CSMD2: variants seen among roughly 807,000 people sequenced by gnomAD.
The protein encoded by CSMD2 is CUB and Sushi multiple domains 2, also known as CUB and sushi domain-containing protein 2.
Under a neutral mutation model 398.5 loss-of-function variants are expected in CSMD2, and 130 were observed. That is an observed-to-expected ratio of 0.33 (90% CI 0.28 to 0.38). The LOEUF (loss-of-function observed/expected upper bound fraction) is 0.38, where lower values mean the gene tolerates loss of function less well. Ranked by LOEUF, CSMD2 falls within the 10% of genes least tolerant of loss-of-function variation. The probability of loss-of-function intolerance (pLI) is 1.00; values close to 1 mark genes in which losing one functional copy is unlikely to be tolerated. For missense variants in CSMD2, 3,829 were observed against 4,764.9 expected (o/e 0.80, Z 5.78); for synonymous variants, 1,828 against 1,908.5 (o/e 0.96, Z 1.10).
At chr1:33,521,613 C>G (rs765381300) in intron 67 of CSMD2, 63 bp from the exon 68 acceptor site, 4 of 1,031,856 alleles carry the variant, frequency 3.9e-6, no homozygotes, top group Admixed American at 1.7e-5. Flanking sequence ...GAACTCCTCT[C>G]TCATCATACA....
chr1:33,586,973 C>T (rs1039414741), intron 45 of CSMD2, 115 bp downstream of exon 45: 2 of 746,646 alleles, frequency 2.7e-6, no homozygotes, highest in Non-Finnish European at 4.4e-6. Flanking sequence ...TACTGTTTCT[C>T]TCTCCACAGA....
In CSMD2 at chr1:33,569,526, G is replaced by T. The variant is rs143412596; in HGVS notation, c.7979C>A (p.Pro2660Gln). 3 of 1,613,930 alleles carry T rather than the reference G, an allele frequency of 1.9e-6. No homozygotes were observed. Among genetic ancestry groups the T allele is most frequent in the Admixed American group, 3.3e-5 (2 of 60,002 alleles). The change falls in exon 52 of 71, where the codon CCG becomes CAG. Residue 2660 changes from proline (P) to glutamine (Q), a missense_variant. Transcript: ENST00000373381. ...GATGCGGTGGCCATTGGGGGGAATC[G>T]GGAGCTCTCCACAGGAGATGACTAA... ...TCRIISCGEL[P>Q]IPPNGHRIGT...
intron 44 of CSMD2, among the ~76,000 whole-genome samples, chr1:33,597,098 T>C (rs573416463): frequency 4.9e-4 from 74 of 152,188 alleles, no homozygotes; most frequent in Middle Eastern, 3.2e-3. Flanking sequence ...TCAAACTTCA[T>C]GTTCTAACTT....
chr1:33,811,078 TG>T (rs752419823), intron 9 of CSMD2, among the ~76,000 whole-genome samples: 71 of 152,232 alleles, frequency 4.7e-4, no homozygotes, highest in Non-Finnish European at 8.2e-4. Flanking sequence ...TAGGCAATGA[TG>T]AACTTCTAAG....
At chr1:34,087,198 A>T (rs1186095510) in intron 2 of CSMD2, among the ~76,000 whole-genome samples, 1 of 151,856 alleles carries the variant, frequency 6.6e-6, no homozygotes, top group Non-Finnish European at 1.5e-5. Flanking sequence ...CACACCATAC[A>T]TGATATTCCA....
chr1:33,879,354 T>G (rs1384411710), intron 5 of CSMD2, among the ~76,000 whole-genome samples: 1 of 152,158 alleles, frequency 6.6e-6, no homozygotes, highest in Non-Finnish European at 1.5e-5. Context: ...ATCTGTCTGG[T>G]TGGTCTGCTT....
intron 1 of CSMD2, among the ~76,000 whole-genome samples, chr1:34,115,635 A>G (rs1270210869): frequency 6.6e-6 from 1 of 152,154 alleles, no homozygotes; most frequent in East Asian, 1.9e-4. Flanking sequence ...GCATACAAAA[A>G]TATATAACTC....
intron 64 of CSMD2, among the ~76,000 whole-genome samples, chr1:33,531,064 T>C (rs1655189463): frequency 6.6e-6 from 1 of 152,286 alleles, no homozygotes; most frequent in South Asian, 2.1e-4. Flanking sequence ...TTAATAACAA[T>C]GCACTGTGTA....
intron 25 of CSMD2, among the ~76,000 whole-genome samples, chr1:33,681,836 G>A (rs1289585328): frequency 6.6e-6 from 1 of 152,068 alleles, no homozygotes; most frequent in Non-Finnish European, 1.5e-5. Context: ...TGTGGTGGCA[G>A]GTGCCTTTAA....
At chr1:33,755,854 A>C (rs1348173) in intron 13 of CSMD2, among the ~76,000 whole-genome samples, 3 of 149,352 alleles carry the variant, frequency 2.0e-5, no homozygotes, top group African/African-American at 7.5e-5. Context: ...GTGCGGGGGG[A>C]GGGGGGTCTC....
Position 33,962,556 on chromosome 1 carries a change from C to T in CSMD2, c.518-26602G>A, listed in dbSNP as rs545123602. ...ATTACTGCTTCTCTACTCCAATGCCCCAACAGCTTCCCCTCTTACTCAGAG... is the reference window on the plus strand; with the variant it reads ...ATTACTGCTTCTCTACTCCAATGCCTCAACAGCTTCCCCTCTTACTCAGAG... On this transcript the variant is annotated intron_variant, in intron 3 of 70. Coordinates refer to ENST00000373381, the MANE Select transcript of CSMD2 (RefSeq NM_001281956.2). 4.6e-5 allele frequency among the ~76,000 whole-genome samples: 7 copies of T among 152,314 alleles called. No individual in the cohort carries two copies. The East Asian group carries it at 5.8e-4, about 13-fold the overall frequency.
At chr1:34,127,799 G>A (rs544451468) in intron 1 of CSMD2, among the ~76,000 whole-genome samples, 2 of 152,122 alleles carry the variant, frequency 1.3e-5, no homozygotes, top group African/African-American at 4.8e-5. Context: ...CCCAGGGCTG[G>A]AGCGTGTAGA....
Position 33,935,930 on chromosome 1 carries a change from T to C in CSMD2, c.542A>G (p.Asn181Ser). 1 of 1,612,280 alleles carries C rather than the reference T, an allele frequency of 6.2e-7. No homozygotes were observed. The highest frequency in any genetic ancestry group is 8.5e-7 in the Non-Finnish European group (1 of 1,179,034). ...YEVLPSHTCG[N>S]PGRLPNGIQQ... ...GATGCCATTGGGCAGCCTCCCTGGGTTCCCACATGTGTGGCTGGGGAGAAC... is the reference window on the plus strand; with the variant it reads ...GATGCCATTGGGCAGCCTCCCTGGGCTCCCACATGTGTGGCTGGGGAGAAC... Residue 181 changes from asparagine (N) to serine (S), a missense_variant, in exon 4 of 71, where the codon AAC (asparagine) becomes AGC (serine). Asn to Ser is a conservative substitution (Grantham distance 46, BLOSUM62 1). Around this residue, in one of 5 missense-constraint regions of CSMD2, gnomAD observed 2,001 missense variants for 2,567.1 expected, o/e 0.78. Coordinates refer to ENST00000373381, the MANE Select transcript of CSMD2 (RefSeq NM_001281956.2).
chr1:33,584,453 T>C (rs1202592920), intron 46 of CSMD2, among the ~76,000 whole-genome samples: 1 of 152,128 alleles, frequency 6.6e-6, no homozygotes, highest in Admixed American at 6.6e-5. Context: ...GGGTGAATCA[T>C]GAGGTCAAGA....
intron 9 of CSMD2, among the ~76,000 whole-genome samples, chr1:33,817,082 AG>A (rs1432876226): frequency 1.3e-5 from 2 of 152,226 alleles, no homozygotes; most frequent in Non-Finnish European, 2.9e-5. Context: ...TAAAAATCAC[AG>A]AATAGTGATT....
intron 12 of CSMD2, among the ~76,000 whole-genome samples, chr1:33,780,505 G>T (rs1018327766): frequency 5.3e-5 from 8 of 152,192 alleles, no homozygotes; most frequent in Non-Finnish European, 1.2e-4. Flanking sequence ...ACACTGTCAT[G>T]GGTTTGTCAC....
Position 33,646,629 on chromosome 1 carries a change from C to T in CSMD2, c.4774+19G>A, listed in dbSNP as rs781091553. 2 of 1,612,224 alleles carry T rather than the reference C, an allele frequency of 1.2e-6. No homozygotes were observed. The highest frequency in any genetic ancestry group is 3.3e-5 in the Admixed American group (2 of 60,006). ...TAGCTGGACCTGTCCTCAGTACTCT[C>T]TGGCACCAGGGCCCTTACCTGTATA... On this transcript the variant is annotated intron_variant, in intron 29 of 70. Transcript: ENST00000373381.
intron 6 of CSMD2, among the ~76,000 whole-genome samples, chr1:33,836,547 C>T (rs1409606825): frequency 6.6e-6 from 1 of 152,216 alleles, no homozygotes; most frequent in Non-Finnish European, 1.5e-5. Flanking sequence ...TTTACCTACT[C>T]AAGCCTCAGC....
intron 39 of CSMD2, among the ~76,000 whole-genome samples, chr1:33,615,309 G>A (rs913801294): frequency 6.6e-6 from 1 of 152,196 alleles, no homozygotes; most frequent in African/African-American, 2.4e-5. Flanking sequence ...GTTGACATCA[G>A]TTCTTTTCTT....
Sources: allele counts gnomAD v4.1 joint callset (sites outside exome capture counted in the v4.1 genomes callset), GRCh38; gene constraint gnomAD v4.1.1; regional missense constraint gnomAD v4.1.1; transcripts MANE v1.5; gene names NCBI Gene and HGNC (gene_info 2026-07-23, HGNC 2026-07-21).